SOX5: variants seen among roughly 807,000 people sequenced by gnomAD.
SOX5 encodes the protein SRY-box transcription factor 5.
In SOX5, 9 loss-of-function variants were observed where a neutral mutation model predicts 92.0. That is an observed-to-expected ratio of 0.10 (90% CI 0.06 to 0.17). The LOEUF is 0.17. SOX5 is among the 10% of genes least tolerant of loss of function. The pLI is 1.00. For missense variants in SOX5, 642 were observed against 944.5 expected (o/e 0.68, Z 4.20); for synonymous variants, 344 against 336.3 (o/e 1.02, Z -0.25).
At chr12:23,641,663 A>C (rs7315710) in intron 7 of SOX5, among the ~76,000 whole-genome samples, 49,498 of 151,976 alleles carry the variant, frequency 0.33, 8,259 homozygotes, top group African/African-American at 0.37. Context: ...ATTTTTTATG[A>C]AAATCAAGGG....
chr12:24,475,456 T>G (rs1945261285), intron 1 of SOX5, among the ~76,000 whole-genome samples: 1 of 152,166 alleles, frequency 6.6e-6, no homozygotes, highest in African/African-American at 2.4e-5. Flanking sequence ...GAAACGTTTA[T>G]GAACTGAGCT....
intron 2 of SOX5, among the ~76,000 whole-genome samples, chr12:24,355,130 A>C (rs1391855521): frequency 3.9e-5 from 6 of 152,048 alleles, no homozygotes; most frequent in Admixed American, 3.9e-4. Flanking sequence ...CAAATGTGTA[A>C]ATGAAAATGT....
At chr12:24,259,438 G>A (rs1941762436) in intron 3 of SOX5, among the ~76,000 whole-genome samples, 1 of 152,126 alleles carries the variant, frequency 6.6e-6, no homozygotes, top group African/African-American at 2.4e-5. Flanking sequence ...TGCATACGTA[G>A]ACTGTGCTAT....
At chr12:23,755,490 C>T in intron 4 of SOX5, 148 bp downstream of exon 4, 1 of 589,122 alleles carries the variant, frequency 1.7e-6, no homozygotes, top group South Asian at 2.1e-5. Flanking sequence ...CTGCTACATC[C>T]TCCTTCAAGA....
intron 3 of SOX5, among the ~76,000 whole-genome samples, chr12:24,222,471 C>A (rs1178776548): frequency 6.6e-6 from 1 of 151,922 alleles, no homozygotes; most frequent in African/African-American, 2.4e-5. Context: ...ATGCTTAAAA[C>A]GAGCAAATAG....
intron 1 of SOX5, among the ~76,000 whole-genome samples, chr12:23,910,272 T>C (rs1296809314): frequency 6.6e-6 from 1 of 152,134 alleles, no homozygotes; most frequent in African/African-American, 2.4e-5. Flanking sequence ...TCTTGTAGAA[T>C]ATGTATTTCA....
intron 4 of SOX5, among the ~76,000 whole-genome samples, chr12:24,075,041 T>C (rs1942364347): frequency 6.6e-6 from 1 of 151,716 alleles, no homozygotes; most frequent in African/African-American, 2.4e-5. Context: ...GCAGGAGGAC[T>C]GCTTGAGCTC....
intron 6 of SOX5, among the ~76,000 whole-genome samples, chr12:23,725,688 C>A (rs990259700): frequency 2.6e-5 from 4 of 152,206 alleles, no homozygotes; most frequent in East Asian, 3.9e-4. Flanking sequence ...AAACCACTGA[C>A]CAACTGAGAC....
intron 12 of SOX5, among the ~76,000 whole-genome samples, chr12:23,545,996 G>C (rs1430154336): frequency 2.0e-5 from 3 of 152,126 alleles, no homozygotes; most frequent in Non-Finnish European, 4.4e-5. Flanking sequence ...ATTTGCTTTA[G>C]AATCATGCCA....
chr12:24,065,292 A>G (rs372202460), intron 4 of SOX5, among the ~76,000 whole-genome samples: 1 of 152,198 alleles, frequency 6.6e-6, no homozygotes, highest in Non-Finnish European at 1.5e-5. Context: ...AGAGAGGCAC[A>G]TGGAGCTGGA....
intron 4 of SOX5, among the ~76,000 whole-genome samples, chr12:23,752,155 A>G (rs933235497): frequency 6.7e-6 from 1 of 149,228 alleles, no homozygotes; most frequent in African/African-American, 2.5e-5. Flanking sequence ...AATTTTTGTT[A>G]AATTCTAGCA....
intron 3 of SOX5, among the ~76,000 whole-genome samples, chr12:24,236,586 G>T (rs900417699): frequency 7.9e-5 from 12 of 152,132 alleles, no homozygotes; most frequent in African/African-American, 2.9e-4. Flanking sequence ...AGGACTATTT[G>T]GTTACAGTTT....
At chr12:24,099,808 A>G (rs1482850994) in intron 4 of SOX5, among the ~76,000 whole-genome samples, 4 of 152,116 alleles carry the variant, frequency 2.6e-5, no homozygotes, top group African/African-American at 9.7e-5. Context: ...TCCTCCCTAC[A>G]CTGCCCCTTC....
At chr12:24,145,100 A>G (rs1156271015) in intron 4 of SOX5, among the ~76,000 whole-genome samples, 1 of 152,124 alleles carries the variant, frequency 6.6e-6, no homozygotes, top group Non-Finnish European at 1.5e-5. Context: ...TCTCAAAAAA[A>G]AGATTAACAA....
At chr12:24,143,727 G>A (rs1950798045) in intron 4 of SOX5, among the ~76,000 whole-genome samples, 1 of 151,912 alleles carries the variant, frequency 6.6e-6, no homozygotes, top group South Asian at 2.1e-4. Flanking sequence ...GAATCAGTGA[G>A]TTGTGGGACA....
chr12:24,368,742 C>A (rs1410539876), intron 1 of SOX5: 1 of 152,176 alleles, frequency 6.6e-6, no homozygotes, highest in Admixed American at 6.5e-5. Context: ...AGTAACCATC[C>A]ATATATCAAC....
chr12:24,093,876 C>A (rs1944985292), intron 4 of SOX5, among the ~76,000 whole-genome samples: 1 of 152,152 alleles, frequency 6.6e-6, no homozygotes. Context: ...TCTTCACATT[C>A]ACCAACACTT....
intron 2 of SOX5, among the ~76,000 whole-genome samples, chr12:24,344,111 C>G (rs140368765): frequency 6.6e-6 from 1 of 151,738 alleles, no homozygotes; most frequent in African/African-American, 2.4e-5. Flanking sequence ...GGTGAAACCC[C>G]GTCTCTACTA....
intron 1 of SOX5, among the ~76,000 whole-genome samples, chr12:24,478,780 C>A (rs1418317733): frequency 6.6e-6 from 1 of 152,190 alleles, no homozygotes; most frequent in Non-Finnish European, 1.5e-5. Context: ...CACACTAGCT[C>A]AGGACCTCAC....
Sources: allele counts gnomAD v4.1 joint callset (sites outside exome capture counted in the v4.1 genomes callset), GRCh38; gene constraint gnomAD v4.1.1; transcripts MANE v1.5; gene names NCBI Gene and HGNC (gene_info 2026-07-23, HGNC 2026-07-21).